Variants in PTCHD4 observed in about 807,000 individuals in gnomAD.
PTCHD4 encodes the protein patched domain containing 4, also known as patched domain-containing protein 4.
PTCHD4 carries 33 observed loss-of-function variants against 58.1 expected under a neutral mutation model. The observed-to-expected ratio is 0.57, with a 90% CI of 0.43 to 0.76. The LOEUF is 0.76. Ranked by LOEUF, PTCHD4 falls within the 30% of genes least tolerant of loss-of-function variation. The probability of loss-of-function intolerance (pLI) is 0.00; values close to 1 mark genes in which losing one functional copy is unlikely to be tolerated. For synonymous variants in PTCHD4, 478 were observed against 409.6 expected (o/e 1.17, Z -2.02); for missense variants, 1,058 against 1,027.1 (o/e 1.03, Z -0.41).
At chr6:47,961,188 T>C (rs1484428355) in intron 4 of PTCHD4, among the ~76,000 whole-genome samples, 6 of 152,106 alleles carry the variant, frequency 3.9e-5, no homozygotes, top group Admixed American at 2.6e-4. Context: ...CAAAAATTGT[T>C]GAGCTGTCTT....
intron 4 of PTCHD4, among the ~76,000 whole-genome samples, chr6:47,939,332 G>A (rs1283745936): frequency 6.6e-6 from 1 of 151,324 alleles, no homozygotes; most frequent in African/African-American, 2.5e-5. Flanking sequence ...TGGTATTGAT[G>A]TCTCTGGTTG....
At chr6:47,904,668 A>C (rs955212825) in intron 4 of PTCHD4, among the ~76,000 whole-genome samples, 4 of 152,218 alleles carry the variant, frequency 2.6e-5, no homozygotes, top group African/African-American at 9.6e-5. Context: ...TCTGGGTTGT[A>C]GTGAATGGTA....
At chr6:47,900,981 C>T (rs1185408683) in intron 4 of PTCHD4, 3 of 151,180 alleles carry the variant, frequency 2.0e-5, no homozygotes, top group Admixed American at 6.6e-5. Context: ...GGTGAAACCC[C>T]GTCTCTACTA....
Position 47,869,204 on chromosome 6 carries a change from T to G in PTCHD4, c.*9099A>C, listed in dbSNP as rs1763654582. 6.6e-6 allele frequency among the ~76,000 whole-genome samples: 1 copy of G among 151,660 alleles called. No individual in the cohort carries two copies. The highest frequency in any genetic ancestry group is 2.4e-5 in the African/African-American group (1 of 41,358). On this transcript the variant is annotated 3_prime_UTR_variant, in exon 5 of 5. Coordinates refer to ENST00000339488, the MANE Select transcript of PTCHD4 (RefSeq NM_001384253.1). ...TTGGATATTGAAATATTTAACATGA[T>G]TGGTTTTAGTGACTTAGAAGTGGTG...
chr6:47,959,942 CCA>C (rs757994313), intron 4 of PTCHD4, among the ~76,000 whole-genome samples: 4 of 151,030 alleles, frequency 2.6e-5, no homozygotes, highest in African/African-American at 7.3e-5. Context: ...AAAAAAAACC[CCA>C]GAGTTTTTCT....
At chr6:47,888,603 A>G (rs1764272160) in intron 4 of PTCHD4, among the ~76,000 whole-genome samples, 1 of 152,180 alleles carries the variant, frequency 6.6e-6, no homozygotes, top group African/African-American at 2.4e-5. Context: ...GTTTGCATTC[A>G]GTCATTTTGA....
chr6:47,931,158 A>G (rs1405931234), intron 4 of PTCHD4, among the ~76,000 whole-genome samples: 1 of 152,194 alleles, frequency 6.6e-6, no homozygotes, highest in East Asian at 1.9e-4. Flanking sequence ...AATCCACCCA[A>G]AGCGTTCCTG....
chr6:48,034,249 T>C (rs1763551285), intron 3 of PTCHD4, among the ~76,000 whole-genome samples: 1 of 152,104 alleles, frequency 6.6e-6, no homozygotes, highest in African/African-American at 2.4e-5. Context: ...AATAGTCATG[T>C]TTATTTTACA....
intron 4 of PTCHD4, among the ~76,000 whole-genome samples, chr6:47,891,329 C>T (rs1177461257): frequency 6.6e-6 from 1 of 151,762 alleles, no homozygotes; most frequent in Non-Finnish European, 1.5e-5. Context: ...GCACTCCCAG[C>T]TGTGTTGAGT....
chr6:47,912,212 T>A (rs1391934944), intron 4 of PTCHD4, among the ~76,000 whole-genome samples: 1 of 151,920 alleles, frequency 6.6e-6, no homozygotes, highest in African/African-American at 2.4e-5. Flanking sequence ...ATAAAACATA[T>A]CCTTCATGCA....
intron 1 of PTCHD4, among the ~76,000 whole-genome samples, chr6:48,108,522 C>T (rs540238003): frequency 1.3e-5 from 2 of 152,000 alleles, no homozygotes; most frequent in African/African-American, 4.8e-5. Context: ...TTAATGGGTG[C>T]AGCACACCAA....
At chr6:48,094,480 T>C (rs1381554006) in intron 1 of PTCHD4, among the ~76,000 whole-genome samples, 1 of 152,170 alleles carries the variant, frequency 6.6e-6, no homozygotes, top group Admixed American at 6.5e-5. Context: ...TAAGGAAGTC[T>C]GCAAAGGCCC....
At chr6:47,880,739 C>A (rs547204453) in intron 4 of PTCHD4, among the ~76,000 whole-genome samples, 3 of 152,212 alleles carry the variant, frequency 2.0e-5, no homozygotes, top group African/African-American at 7.2e-5. Flanking sequence ...AGTAAGTAGG[C>A]AAAAGGCTTA....
At chr6:48,085,818 G>GT (rs1765252795) in intron 1 of PTCHD4, among the ~76,000 whole-genome samples, 2 of 152,104 alleles carry the variant, frequency 1.3e-5, no homozygotes, top group South Asian at 4.2e-4. Context: ...TCAGATTGCT[G>GT]TTTATCTATG....
chr6:47,996,625 C>T (rs1768498197), intron 4 of PTCHD4, among the ~76,000 whole-genome samples: 1 of 152,120 alleles, frequency 6.6e-6, no homozygotes, highest in Admixed American at 6.5e-5. Context: ...TGAGAATGGT[C>T]CTGATGACTA....
At position 48,007,939 on chromosome 6, in the gene PTCHD4, CACA is replaced by C. The variant is rs1194684708; in HGVS notation, c.898+692_898+694del. 0.01 allele frequency among the ~76,000 whole-genome samples: 21 copies of C among 2,074 alleles called. No homozygotes were observed. In the East Asian group the frequency reaches 0.28, roughly 27 times the overall value. The allele number at this position is 2,074 out of a possible 152,430, so 1.4% of individuals were successfully genotyped here. On this transcript the variant is annotated intron_variant, in intron 4 of 4. Transcript: ENST00000339488. ...TTGAAAGAATATGTGCGCGCGCGCA[CACA>C]CACACACACACACACACACACGCAC...
intron 4 of PTCHD4, among the ~76,000 whole-genome samples, chr6:47,999,845 C>T (rs1490732051): frequency 6.6e-6 from 1 of 152,134 alleles, no homozygotes; most frequent in Non-Finnish European, 1.5e-5. Flanking sequence ...CATAATATTT[C>T]AACTTATCAA....
At chr6:47,935,515 A>G (rs1323124263) in intron 4 of PTCHD4, among the ~76,000 whole-genome samples, 2 of 152,170 alleles carry the variant, frequency 1.3e-5, no homozygotes, top group Non-Finnish European at 2.9e-5. Context: ...TTCTTCAGAT[A>G]CCAAACAGCA....
chr6:47,953,444 TA>T (rs796736169), intron 4 of PTCHD4, among the ~76,000 whole-genome samples: 25 of 152,314 alleles, frequency 1.6e-4, no homozygotes, highest in African/African-American at 6.0e-4. Context: ...AGAATATAGC[TA>T]ATATCACTCC....
Sources: allele counts gnomAD v4.1 joint callset (sites outside exome capture counted in the v4.1 genomes callset), GRCh38; gene constraint gnomAD v4.1.1; transcripts MANE v1.5; gene names NCBI Gene and HGNC (gene_info 2026-07-23, HGNC 2026-07-21).